Variants in CACYBP observed in about 807,000 individuals in gnomAD.
The protein encoded by CACYBP is calcyclin-binding protein.
Under a neutral mutation model 29.6 loss-of-function variants are expected in CACYBP, and 11 were observed. That is an observed-to-expected ratio of 0.37 (90% confidence interval 0.23 to 0.61). CACYBP has a LOEUF of 0.61. CACYBP is among the 20% of genes least tolerant of loss of function. The pLI is 0.65. For synonymous variants in CACYBP, 73 were observed against 88.3 expected (o/e 0.83, Z 0.97); for missense variants, 163 against 260.7 (o/e 0.63, Z 2.58).
In CACYBP at chr1:175,010,913, T is replaced by TTTA. The variant is rs1252246094; in HGVS notation, c.*837_*839dup. 3.3e-5 allele frequency: 5 copies of TTTA among 152,078 alleles called. No homozygotes were observed. The highest frequency in any genetic ancestry group is 9.7e-5 in the African/African-American group (4 of 41,384). 9.4% of individuals were successfully genotyped at this position (152,078 alleles called of 1,614,324 possible). A position where few individuals can be genotyped will look rare whatever the true frequency, so the allele number is the denominator to read the frequency against. On this transcript the variant is annotated 3_prime_UTR_variant, in exon 6 of 6. Transcript: ENST00000367679. ...GACCAGTGCCTGTGATCTCCATTAC[T>TTTA]TTATTTTCCTGGAGGTATTAGCCAA...
At chr1:175,007,329 A>C in intron 4 of CACYBP, 132 bp downstream of exon 4, 1 of 623,136 alleles carries the variant, frequency 1.6e-6, no homozygotes, top group South Asian at 2.0e-5. Flanking sequence ...TGAATGTTTT[A>C]TTGGGACATA....
At chr1:175,005,307 G>A (rs938836759) in intron 2 of CACYBP, among the ~76,000 whole-genome samples, 4 of 151,852 alleles carry the variant, frequency 2.6e-5, no homozygotes, top group South Asian at 2.1e-4. Flanking sequence ...GGACATTGAC[G>A]TATAACTCGT....
intron 1 of CACYBP, among the ~76,000 whole-genome samples, chr1:175,003,814 C>G (rs1342358263): frequency 2.0e-5 from 3 of 152,144 alleles, no homozygotes; most frequent in African/African-American, 7.2e-5. Context: ...GTCTTTAACT[C>G]TTGAATTTCA....
intron 2 of CACYBP, 54 bp from the exon 3 acceptor site, chr1:175,006,691 C>A: frequency 1.1e-6 from 1 of 884,720 alleles, no homozygotes; most frequent in South Asian, 1.4e-5. Flanking sequence ...ATTTGCTGTT[C>A]TAAAGATAGT....
chr1:175,006,896 T>C (rs1672632571), intron 3 of CACYBP, 55 bp downstream of exon 3: 1 of 987,052 alleles, frequency 1.0e-6, no homozygotes, highest in Middle Eastern at 2.1e-4. Flanking sequence ...CATTGCCTTA[T>C]CTTGAGACTC....
Position 175,006,851 on chromosome 1 carries a change from CATT to C in CACYBP, c.332+13_332+15del, listed in dbSNP as rs374135102. ...TGCATTTCACAGAGAGGTGAGTTCT[CATT>C]ATAATGGGAAAGACAGTGAATTAAC... On this transcript the variant is annotated intron_variant, in intron 3 of 5. Coordinates refer to ENST00000367679, the MANE Select transcript of CACYBP (RefSeq NM_014412.3). The C allele has an allele frequency of 6.8e-5, 97 of 1,417,958 alleles. 1 individual carries two copies. The African/African-American group carries it at 9.3e-4, about 14-fold the overall frequency. 87.8% of individuals were successfully genotyped at this position (1,417,958 alleles called of 1,614,324 possible). A position where few individuals can be genotyped will look rare whatever the true frequency, so the allele number is the denominator to read the frequency against.
chr1:175,008,776 T>C, intron 5 of CACYBP, 70 bp downstream of exon 5: 1 of 789,128 alleles, frequency 1.3e-6, no homozygotes, highest in Non-Finnish European at 2.3e-6. Context: ...TAATAGTTTG[T>C]CTTTATGGAT....
At position 175,004,607 on chromosome 1, in the gene CACYBP, AAC is replaced by A. The variant is rs1429621000; in HGVS notation, c.16-3_16-2del. 15 of 1,560,432 alleles carry A rather than the reference AAC, an allele frequency of 9.6e-6. No homozygotes were observed. Among genetic ancestry groups the A allele is most frequent in the Non-Finnish European group, 1.3e-5 (15 of 1,154,044 alleles). The stretch of plus-strand genomic sequence containing the variant: ...TCATAGCTAACTTATTTTTTGTCTT[AAC>A]ACAGCTACAGAAAGATCTAGAAGAG... On this transcript the variant is annotated splice_region_variant and splice_polypyrimidine_tract_variant and intron_variant, in intron 1 of 5. Coordinates refer to ENST00000367679, the MANE Select transcript of CACYBP (RefSeq NM_014412.3).
chr1:175,000,264 C>T lies in CACYBP; in HGVS notation c.15+69C>T, dbSNP rs1558323019. 9.0e-6 allele frequency: 14 copies of T among 1,550,512 alleles called. No homozygotes were observed. In the Admixed American group the frequency reaches 9.6e-5, roughly 11 times the overall value. The stretch of plus-strand genomic sequence containing the variant: ...CTGCAGCGCCAGCCTCCCGCCCTAC[C>T]GCCGTTTCCGTGGGCTGAGCCGCCC... On this transcript the variant is annotated intron_variant, in intron 1 of 5. Transcript: ENST00000367679.
intron 3 of CACYBP, 99 bp from the exon 4 acceptor site, chr1:175,006,999 C>A: frequency 1.1e-6 from 1 of 906,264 alleles, no homozygotes; most frequent in Non-Finnish European, 1.8e-6. Context: ...CAAATGCACA[C>A]CCTGAAATAA....
At chr1:175,006,656 C>T (rs1672625090) in intron 2 of CACYBP, 89 bp from the exon 3 acceptor site, 2 of 633,016 alleles carry the variant, frequency 3.2e-6, no homozygotes, top group Non-Finnish European at 2.8e-6. Flanking sequence ...CATAATTTTA[C>T]TTTCCTGACT....
At chr1:175,007,220 T>G (rs758990793) in intron 4 of CACYBP, 23 bp downstream of exon 4, 1 of 1,412,478 alleles carries the variant, frequency 7.1e-7, no homozygotes, top group South Asian at 1.2e-5. Context: ...TTTTTGATTG[T>G]AATATTGTGA....
chr1:175,000,946 T>A (rs975355023), intron 1 of CACYBP, among the ~76,000 whole-genome samples: 3 of 152,242 alleles, frequency 2.0e-5, no homozygotes, highest in Non-Finnish European at 4.4e-5. Context: ...CTTGTATTGC[T>A]CATTTCCTGG....
chr1:175,009,557 G>T (rs1401298000), intron 5 of CACYBP, among the ~76,000 whole-genome samples: 1 of 146,132 alleles, frequency 6.8e-6, no homozygotes, highest in Non-Finnish European at 1.5e-5. Context: ...GAGGCAGACA[G>T]AATTGTTTGA....
chr1:175,008,532 T>G, intron 4 of CACYBP, 77 bp from the exon 5 acceptor site: 1 of 773,192 alleles, frequency 1.3e-6, no homozygotes, highest in Non-Finnish European at 2.3e-6. Context: ...ATCAATTGAA[T>G]AGATAATTGT....
upstream of CACYBP, chr1:174,999,925 A>C (rs1224644217): frequency 1.3e-5 from 7 of 546,104 alleles, no homozygotes; most frequent in African/African-American, 4.2e-5. Flanking sequence ...CGAGGCGAGG[A>C]AGGGTGGGTG....
chr1:175,008,983 G>C (rs764399255), intron 5 of CACYBP: 2 of 284,628 alleles, frequency 7.0e-6, no homozygotes, highest in African/African-American at 2.2e-5. Context: ...AGGTACCCCT[G>C]TATGTTTTAA....
upstream of CACYBP, chr1:174,999,705 G>A (rs945880339): frequency 4.0e-6 from 1 of 247,032 alleles, no homozygotes; most frequent in Non-Finnish European, 8.0e-6. Context: ...TTATTTCCGG[G>A]GCTGGGTTAA....
rs1672742951 is a variant in CACYBP, at chr1:175,011,137, C to G, written c.*1058C>G. On this transcript the variant is annotated 3_prime_UTR_variant, in exon 6 of 6. Transcript: ENST00000367679. ...AAAAAAAAAAAAAAAAGCCGTTAGA[C>G]ACACAGGAAAAATCCAGAAGGGTAA... 1 of 108,506 alleles carries G rather than the reference C, an allele frequency of 9.2e-6. No homozygotes were observed. Among genetic ancestry groups the G allele is most frequent in the Non-Finnish European group, 1.9e-5 (1 of 53,362 alleles). 6.7% of individuals were successfully genotyped at this position (108,506 alleles called of 1,614,324 possible).
Sources: gnomAD v4.1 joint callset for allele counts (sites outside exome capture counted in the v4.1 genomes callset) on GRCh38, gnomAD v4.1.1 for gene constraint, MANE v1.5 for transcripts, NCBI Gene and HGNC (gene_info 2026-07-23, HGNC 2026-07-21) for gene names.